Variants in PLPP1 observed in about 807,000 individuals in gnomAD.
PLPP1 encodes lipid phosphate phosphohydrolase 1a.
Under a neutral mutation model 31.2 loss-of-function variants are expected in PLPP1, and 24 were observed. The observed-to-expected ratio is 0.77, with a 90% CI of 0.56 to 1.08. The LOEUF (loss-of-function observed/expected upper bound fraction) is 1.08. Among genes scored for constraint, PLPP1 ranks in the 50% least tolerant of loss-of-function variants. The probability of loss-of-function intolerance (pLI) is 0.00; values close to 1 mark genes in which losing one functional copy is unlikely to be tolerated. For synonymous variants in PLPP1, 146 were observed against 126.3 expected (o/e 1.16, Z -1.05); for missense variants, 319 against 342.7 (o/e 0.93, Z 0.55).
chr5:55,534,325 G>A (rs1181339719), intron 1 of PLPP1, among the ~76,000 whole-genome samples: 1 of 152,184 alleles, frequency 6.6e-6, no homozygotes, highest in Non-Finnish European at 1.5e-5. Flanking sequence ...ATGGAGCGCA[G>A]AGGCGTGAAC....
chr5:55,427,778 G>GT (rs978040901), intron 4 of PLPP1, among the ~76,000 whole-genome samples: 1 of 150,806 alleles, frequency 6.6e-6, no homozygotes, highest in Non-Finnish European at 1.5e-5. Context: ...ACTTTTTTGG[G>GT]GGGGGGGATG....
At position 55,467,877 on chromosome 5, in the gene PLPP1, C is replaced by T; in HGVS notation, c.483G>A (p.Lys161=). ...YICRGNAERV[K]EGRLSFYSGH... ...AGCGATTTAACACTCACCTGCCTTCCTTAACTCTTTCTGCATTCCCTCGAC... is the reference window on the plus strand; with the variant it reads ...AGCGATTTAACACTCACCTGCCTTCTTTAACTCTTTCTGCATTCCCTCGAC... The change falls in exon 3 of 6, where the codon AAG becomes AAA. Residue 161 remains lysine, a synonymous_variant. Coordinates refer to ENST00000307259, the MANE Select transcript of PLPP1 (RefSeq NM_003711.4). 2 of 1,611,326 alleles carry T rather than the reference C, an allele frequency of 1.2e-6. No individual in the cohort carries two copies. The highest frequency in any genetic ancestry group is 1.7e-6 in the Non-Finnish European group (2 of 1,178,452).
intron 1 of PLPP1, among the ~76,000 whole-genome samples, chr5:55,519,321 C>G (rs937526553): frequency 3.9e-5 from 6 of 152,186 alleles, no homozygotes; most frequent in Admixed American, 1.3e-4. Context: ...ATTTAAAACT[C>G]CTTTCTCTTA....
intron 4 of PLPP1, among the ~76,000 whole-genome samples, chr5:55,428,916 G>A (rs1241225835): frequency 6.6e-6 from 1 of 152,066 alleles, no homozygotes; most frequent in Non-Finnish European, 1.5e-5. Flanking sequence ...GACAGGCTCG[G>A]CAGCAACATT....
intron 1 of PLPP1, among the ~76,000 whole-genome samples, chr5:55,523,130 T>C (rs1043051756): frequency 6.6e-5 from 10 of 152,030 alleles, no homozygotes; most frequent in African/African-American, 2.4e-4. Flanking sequence ...TACATACATA[T>C]GGGGCACATG....
intron 1 of PLPP1, among the ~76,000 whole-genome samples, chr5:55,500,012 T>C (rs556252748): frequency 2.0e-5 from 3 of 151,410 alleles, no homozygotes; most frequent in Admixed American, 2.0e-4. Context: ...TCAATGAGTA[T>C]ACAGCATAAA....
At chr5:55,498,341 C>T (rs1753046539) in intron 1 of PLPP1, among the ~76,000 whole-genome samples, 1 of 151,820 alleles carries the variant, frequency 6.6e-6, no homozygotes, top group Non-Finnish European at 1.5e-5. Flanking sequence ...AGAGGTAGAT[C>T]CTAAAGATGT....
chr5:55,508,637 A>G (rs780253087), intron 1 of PLPP1, among the ~76,000 whole-genome samples: 39 of 152,256 alleles, frequency 2.6e-4, no homozygotes, highest in Non-Finnish European at 4.6e-4. Context: ...AAAATATTTA[A>G]TAACTCATAC....
At chr5:55,430,621 GGAA>G (rs1250958467) in intron 4 of PLPP1, among the ~76,000 whole-genome samples, 2 of 152,224 alleles carry the variant, frequency 1.3e-5, no homozygotes, top group African/African-American at 4.8e-5. Context: ...TCAAAAAATT[GGAA>G]GAAGTGACTG....
At chr5:55,454,695 TCTCA>T (rs1751967646) in intron 3 of PLPP1, among the ~76,000 whole-genome samples, 1 of 152,220 alleles carries the variant, frequency 6.6e-6, no homozygotes. Context: ...AATAATATCC[TCTCA>T]CAAAGTGAAG....
intron 4 of PLPP1, among the ~76,000 whole-genome samples, chr5:55,428,209 T>A (rs1049486111): frequency 1.6e-4 from 25 of 152,360 alleles, no homozygotes; most frequent in African/African-American, 6.0e-4. Flanking sequence ...CAGAAATTAT[T>A]TCACCGTGAG....
At chr5:55,450,938 G>C (rs905230280) in intron 3 of PLPP1, among the ~76,000 whole-genome samples, 19 of 152,132 alleles carry the variant, frequency 1.2e-4, no homozygotes, top group Non-Finnish European at 2.8e-4. Flanking sequence ...ACTTTCTAAA[G>C]TACGCATTGT....
intron 4 of PLPP1, among the ~76,000 whole-genome samples, chr5:55,432,505 G>A (rs1282391992): frequency 6.6e-6 from 1 of 152,024 alleles, no homozygotes; most frequent in African/African-American, 2.4e-5. Context: ...AAAAATTGAA[G>A]GGAATTCTCC....
chr5:55,491,174 TA>T, intron 1 of PLPP1: 1 of 1,544,232 alleles, frequency 6.5e-7, no homozygotes, highest in Non-Finnish European at 8.8e-7. Context: ...CATTAGGAAG[TA>T]AAGTCTACTG....
chr5:55,524,895 G>A lies in PLPP1; in HGVS notation c.58+9677C>T, dbSNP rs145148362. On this transcript the variant is annotated intron_variant, in intron 1 of 5. Coordinates refer to ENST00000307259, the MANE Select transcript of PLPP1 (RefSeq NM_003711.4). ...CCCAAGACCTCAGCAATAAAAAGGT[G>A]ACTAGAGTGTAGCTAACTCCACTTT... Among the ~76,000 whole-genome samples the A allele has an allele frequency of 1.3e-4, 20 of 152,278 alleles. No individual in the cohort carries two copies. The East Asian group carries it at 1.7e-3, about 13-fold the overall frequency.
chr5:55,477,037 GA>G (rs11312513), intron 1 of PLPP1, among the ~76,000 whole-genome samples: 742 of 40,314 alleles, frequency 0.018, 5 homozygotes, highest in African/African-American at 0.04. Flanking sequence ...CGCCTTAAAA[GA>G]AAAAAAAAAA....
At chr5:55,460,590 C>T (rs2111766622) in intron 3 of PLPP1, among the ~76,000 whole-genome samples, 2 of 152,232 alleles carry the variant, frequency 1.3e-5, no homozygotes, top group South Asian at 4.1e-4. Flanking sequence ...TGGACAAATC[C>T]CTTAAAAGAC....
intron 1 of PLPP1, among the ~76,000 whole-genome samples, chr5:55,493,310 G>A (rs1261065929): frequency 1.4e-5 from 2 of 146,890 alleles, no homozygotes; most frequent in African/African-American, 5.0e-5. Context: ...ACAAGACCCT[G>A]TCTCAAAAAA....
chr5:55,500,819 G>C (rs1753126974), intron 1 of PLPP1, among the ~76,000 whole-genome samples: 1 of 152,176 alleles, frequency 6.6e-6, no homozygotes, highest in African/African-American at 2.4e-5. Context: ...ACAGGAAAAA[G>C]AGGTAGATTC....
Sources: gnomAD v4.1 joint callset for allele counts (sites outside exome capture counted in the v4.1 genomes callset) on GRCh38, gnomAD v4.1.1 for gene constraint, MANE v1.5 for transcripts, NCBI Gene and HGNC (gene_info 2026-07-23, HGNC 2026-07-21) for gene names.